Variants in HECW1 observed in about 807,000 individuals in gnomAD.
HECW1 encodes E3 ubiquitin-protein ligase HECW1.
Under a neutral mutation model 182.3 loss-of-function variants are expected in HECW1, and 61 were observed. That is an observed-to-expected ratio of 0.33 (90% CI 0.27 to 0.41). HECW1 has a LOEUF of 0.41. HECW1 is among the 10% of genes least tolerant of loss of function. The pLI is 1.00. For synonymous variants in HECW1, 859 were observed against 832.6 expected, an observed-to-expected ratio of 1.03 and a Z score of -0.55; for missense variants, 1,739 against 2,108.9, an observed-to-expected ratio of 0.82 and a Z score of 3.44.
At position 43,488,436 on chromosome 7, in the gene HECW1, GAAAGAA is replaced by G. The variant is rs1554440512; in HGVS notation, c.3235-3637_3235-3632del. ...AGAGAGAGAGAGAAAGAAAGAAAGAGAAAGAAAGAAAGAAAGAAAGAAAGAAAGAAA... is the reference window on the plus strand; with the variant it reads ...AGAGAGAGAGAGAAAGAAAGAAAGAGAGAAAGAAAGAAAGAAAGAAAGAAA... On this transcript the variant is annotated intron_variant, in intron 17 of 29. Coordinates refer to ENST00000395891, the MANE Select transcript of HECW1 (RefSeq NM_015052.5). Among the ~76,000 whole-genome samples, 11 of 99,488 alleles carry G rather than the reference GAAAGAA, an allele frequency of 1.1e-4. No homozygotes were observed. The South Asian group carries it at 2.0e-3, about 18-fold the overall frequency. 65.3% of individuals were successfully genotyped at this position (99,488 alleles called of 152,430 possible). A position where few individuals can be genotyped will look rare whatever the true frequency, so the allele number is the denominator to read the frequency against.
intron 6 of HECW1, among the ~76,000 whole-genome samples, chr7:43,365,624 T>C (rs1463308074): frequency 6.6e-6 from 1 of 152,226 alleles, no homozygotes; most frequent in Non-Finnish European, 1.5e-5. Context: ...TACCTCAGAT[T>C]GCTATTGTTT....
At chr7:43,488,490 GAA>G (rs1362595690) in intron 17 of HECW1, among the ~76,000 whole-genome samples, 1 of 120,734 alleles carries the variant, frequency 8.3e-6, no homozygotes, top group Non-Finnish European at 1.8e-5. Flanking sequence ...GAAAGAAAGA[GAA>G]AGAAAGAAAG....
intron 2 of HECW1, among the ~76,000 whole-genome samples, chr7:43,199,141 G>A (rs868832733): frequency 6.6e-6 from 1 of 152,152 alleles, no homozygotes; most frequent in Non-Finnish European, 1.5e-5. Flanking sequence ...GAGAGCTCCC[G>A]CTCAGGGAAC....
chr7:43,254,665 C>T (rs1800377522), intron 3 of HECW1, among the ~76,000 whole-genome samples: 1 of 152,202 alleles, frequency 6.6e-6, no homozygotes, highest in African/African-American at 2.4e-5. Flanking sequence ...TTCCAGCTTT[C>T]TTAGATATGA....
At chr7:43,186,668 CAAAAAAAAAA>C (rs112678392) in intron 2 of HECW1, among the ~76,000 whole-genome samples, 1,873 of 93,558 alleles carry the variant, frequency 0.02, 40 homozygotes, top group African/African-American at 0.065. Flanking sequence ...GACTCCGTCT[CAAAAAAAAAA>C]AAAAAAAAAA....
chr7:43,361,968 G>A (rs998481093), intron 6 of HECW1, among the ~76,000 whole-genome samples: 1 of 150,566 alleles, frequency 6.6e-6, no homozygotes, highest in Non-Finnish European at 1.5e-5. Flanking sequence ...ATGGTGAAAC[G>A]CTGTCTCTAC....
intron 2 of HECW1, among the ~76,000 whole-genome samples, chr7:43,215,973 A>G (rs1265938394): frequency 1.3e-5 from 2 of 152,154 alleles, no homozygotes; most frequent in East Asian, 1.9e-4. Context: ...AGTTTCTTCA[A>G]ACTGTCTGAC....
chr7:43,336,592 G>T (rs898980466), intron 5 of HECW1, among the ~76,000 whole-genome samples: 13 of 152,026 alleles, frequency 8.6e-5, no homozygotes, highest in African/African-American at 3.1e-4. Flanking sequence ...TGGCTTGTTT[G>T]TTATAAGGGT....
intron 2 of HECW1, among the ~76,000 whole-genome samples, chr7:43,122,839 A>G (rs1583583671): frequency 6.6e-6 from 1 of 152,236 alleles, no homozygotes; most frequent in African/African-American, 2.4e-5. Flanking sequence ...ATAAAACTAC[A>G]TACACATAAC....
At chr7:43,426,619 T>G (rs903222149) in intron 8 of HECW1, among the ~76,000 whole-genome samples, 1 of 152,220 alleles carries the variant, frequency 6.6e-6, no homozygotes, top group Non-Finnish European at 1.5e-5. Context: ...ATCAAAGATG[T>G]CTTATCCTTA....
intron 6 of HECW1, among the ~76,000 whole-genome samples, chr7:43,379,677 A>T (rs2074467967): frequency 6.6e-6 from 1 of 152,070 alleles, no homozygotes. Context: ...GGGCCCTTGC[A>T]CTTCAGGTTT....
Position 43,562,399 on chromosome 7 carries a change from T to C in HECW1, c.*473T>C, listed in dbSNP as rs2082231143. 4.4e-6 allele frequency: 1 copy of C among 229,378 alleles called. No individual in the cohort carries two copies. The highest frequency in any genetic ancestry group is 2.2e-5 in the African/African-American group (1 of 45,078). The allele number at this position is 229,378 out of a possible 1,614,324, so 14.2% of individuals were successfully genotyped here. ...AACCAACTCCAGAACTAGGAGCTGA[T>C]CAACTCTTTGTTTTCCTCTCCATCT... On this transcript the variant is annotated 3_prime_UTR_variant, in exon 30 of 30. Transcript: ENST00000395891.
intron 5 of HECW1, among the ~76,000 whole-genome samples, chr7:43,349,827 G>A (rs1204147884): frequency 6.6e-6 from 1 of 152,156 alleles, no homozygotes; most frequent in Non-Finnish European, 1.5e-5. Context: ...TTTAAGTGGG[G>A]AATTTAGGCC....
chr7:43,157,316 A>G (rs1172200303), intron 2 of HECW1, among the ~76,000 whole-genome samples: 1 of 152,212 alleles, frequency 6.6e-6, no homozygotes, highest in Non-Finnish European at 1.5e-5. Flanking sequence ...ATCCAAAAAA[A>G]TGTTATCAGT....
intron 26 of HECW1, among the ~76,000 whole-genome samples, chr7:43,549,991 C>T (rs751718084): frequency 2.0e-5 from 3 of 152,072 alleles, no homozygotes; most frequent in Non-Finnish European, 4.4e-5. Context: ...TTCCAAGGTG[C>T]TTAGCAATCT....
At chr7:43,271,177 A>G (rs535935312) in intron 3 of HECW1, among the ~76,000 whole-genome samples, 1 of 152,230 alleles carries the variant, frequency 6.6e-6, no homozygotes, top group Non-Finnish European at 1.5e-5. Context: ...CTTAACCAAG[A>G]AACTTTGGGG....
chr7:43,496,804 G>T (rs1372930267), intron 19 of HECW1, among the ~76,000 whole-genome samples: 2 of 152,148 alleles, frequency 1.3e-5, no homozygotes, highest in East Asian at 3.9e-4. Flanking sequence ...TGTAGAGAAG[G>T]GGATGGAGCC....
rs745988614 is a variant in HECW1, at chr7:43,438,033, G to T, written c.832G>T (p.Val278Leu). 13 of 1,614,026 alleles carry T rather than the reference G, an allele frequency of 8.1e-6. No homozygotes were observed. The highest frequency in any genetic ancestry group is 1.1e-5 in the Non-Finnish European group (13 of 1,179,966). ...CAGTTTTGTGTCCTTGCCCACTGACGTGCTGGAAATTGAGGTGAAGGACAA... is the reference window on the plus strand; with the variant it reads ...CAGTTTTGTGTCCTTGCCCACTGACTTGCTGGAAATTGAGGTGAAGGACAA... ...QFSFVSLPTDVLEIEVKDKFA... is the reference protein window; with the variant it reads ...QFSFVSLPTDLLEIEVKDKFA... Residue 278 changes from valine (V) to leucine (L), a missense_variant, in exon 9 of 30, where the codon GTG becomes TTG. Val to Leu is a conservative substitution (Grantham distance 32). This residue lies in a region of HECW1 where 3 missense variants were observed against 17.3 expected (regional missense o/e 0.17). Coordinates refer to ENST00000395891, the MANE Select transcript of HECW1 (RefSeq NM_015052.5).
intron 13 of HECW1, among the ~76,000 whole-genome samples, chr7:43,462,180 C>T (rs1188310789): frequency 6.6e-6 from 1 of 152,056 alleles, no homozygotes; most frequent in Non-Finnish European, 1.5e-5. Context: ...GCTACCTTGT[C>T]TCTCATCCTC....
Sources: gnomAD v4.1 joint callset for allele counts (sites outside exome capture counted in the v4.1 genomes callset) on GRCh38, gnomAD v4.1.1 for gene constraint, gnomAD v4.1.1 regional missense constraint, MANE v1.5 for transcripts, NCBI Gene and HGNC (gene_info 2026-07-23, HGNC 2026-07-21) for gene names.